DLGAP2: variants seen among roughly 807,000 people sequenced by gnomAD.
The protein encoded by DLGAP2 is DLG associated protein 2.
In DLGAP2, 26 loss-of-function variants were observed where a neutral mutation model predicts 100.3. The ratio of observed to expected loss-of-function variants is 0.26; its 90% CI spans 0.19 to 0.36. The LOEUF (loss-of-function observed/expected upper bound fraction) is 0.36, where lower values mean the gene tolerates loss of function less well. DLGAP2 is among the 10% of genes least tolerant of loss of function. The pLI is 1.00. For synonymous variants in DLGAP2, 886 were observed against 630.1 expected (o/e 1.41, Z -6.08); for missense variants, 1,858 against 1,453.2 (o/e 1.28, Z -4.53).
At chr8:1,343,909 C>A (rs2117087343) in intron 3 of DLGAP2, among the ~76,000 whole-genome samples, 1 of 152,300 alleles carries the variant, frequency 6.6e-6, no homozygotes, top group East Asian at 1.9e-4. Context: ...TGCGAGCTCC[C>A]TGCCAGGTGA....
intron 6 of DLGAP2, among the ~76,000 whole-genome samples, chr8:1,599,059 A>G (rs1796544155): frequency 1.3e-5 from 2 of 152,168 alleles, no homozygotes; most frequent in Admixed American, 6.5e-5. Flanking sequence ...AGATTCTGGT[A>G]TGTTGTGTCT....
At chr8:1,010,991 C>T (rs1268218048) in intron 2 of DLGAP2, among the ~76,000 whole-genome samples, 10 of 146,456 alleles carry the variant, frequency 6.8e-5, no homozygotes, top group Non-Finnish European at 3.0e-5. Flanking sequence ...GAGCCCCGGG[C>T]GAGGGGCCTC....
At chr8:1,463,506 G>C (rs769367500) in intron 3 of DLGAP2, among the ~76,000 whole-genome samples, 1 of 152,364 alleles carries the variant, frequency 6.6e-6, no homozygotes, top group Admixed American at 6.5e-5. Context: ...CCTCGGGTAT[G>C]GTTGGCTCAG....
At position 1,668,441 on chromosome 8, in the gene DLGAP2, C is replaced by T. The variant is rs1426824043; in HGVS notation, c.1923C>T (p.Ala641=). 2 of 1,601,344 alleles carry T rather than the reference C, an allele frequency of 1.2e-6. No individual in the cohort carries two copies. Among genetic ancestry groups the T allele is most frequent in the South Asian group, 1.1e-5 (1 of 88,676 alleles). Reference sequence around the variant, plus strand: ...GCAGCACCGAATCCACCCAGGACGCCTACCAGGACAGCCGCGCACAGAGGA... The same window carrying T: ...GCAGCACCGAATCCACCCAGGACGCTTACCAGGACAGCCGCGCACAGAGGA... ...AQSSTESTQD[A]YQDSRAQRMS... Residue 641 remains alanine, a synonymous_variant, in exon 9 of 15, where the codon GCC becomes GCT. Transcript: ENST00000637795.
At chr8:1,659,137 G>A (rs539384166) in intron 8 of DLGAP2, among the ~76,000 whole-genome samples, 1 of 152,320 alleles carries the variant, frequency 6.6e-6, no homozygotes, top group East Asian at 1.9e-4. Flanking sequence ...CAGTTTCCAT[G>A]TAGTTGTGCG....
chr8:1,113,413 A>G (rs536038581), intron 2 of DLGAP2, among the ~76,000 whole-genome samples: 1 of 152,152 alleles, frequency 6.6e-6, no homozygotes, highest in East Asian at 1.9e-4. Context: ...GAGATCTTTA[A>G]CCTCCCTTGT....
chr8:764,977 G>A (rs1375284695), intron 1 of DLGAP2, among the ~76,000 whole-genome samples: 1 of 152,186 alleles, frequency 6.6e-6, no homozygotes, highest in Admixed American at 6.5e-5. Flanking sequence ...AAAGCTTGTG[G>A]CTGTTACTGA....
At chr8:1,157,924 AG>A (rs1252207049) in intron 2 of DLGAP2, among the ~76,000 whole-genome samples, 8 of 152,188 alleles carry the variant, frequency 5.3e-5, no homozygotes, top group African/African-American at 1.9e-4. Flanking sequence ...GTACGTCAAC[AG>A]TTATCATCCA....
At chr8:830,917 A>G (rs1251347908) in intron 1 of DLGAP2, among the ~76,000 whole-genome samples, 3 of 125,672 alleles carry the variant, frequency 2.4e-5, no homozygotes, top group South Asian at 2.5e-4. Context: ...TTTTTTTGAG[A>G]TGAAGTCTTG....
At chr8:1,531,075 AG>A (rs2130454291) in intron 4 of DLGAP2, among the ~76,000 whole-genome samples, 1 of 152,342 alleles carries the variant, frequency 6.6e-6, no homozygotes, top group South Asian at 2.1e-4. Flanking sequence ...GAAACCATAA[AG>A]TTTCCAAATG....
chr8:947,431 C>A (rs1256407328), intron 2 of DLGAP2, among the ~76,000 whole-genome samples: 1 of 152,192 alleles, frequency 6.6e-6, no homozygotes, highest in South Asian at 2.1e-4. Context: ...TGCGACAGGC[C>A]CCTTACGTCC....
chr8:1,027,860 G>A (rs1260211631), intron 2 of DLGAP2, among the ~76,000 whole-genome samples: 2 of 136,654 alleles, frequency 1.5e-5, no homozygotes, highest in East Asian at 2.4e-4. Flanking sequence ...CAGGTGGGGT[G>A]TCAGGCGCCC....
intron 4 of DLGAP2, among the ~76,000 whole-genome samples, chr8:1,504,495 C>T (rs1224073856): frequency 2.0e-5 from 3 of 152,226 alleles, no homozygotes; most frequent in Non-Finnish European, 4.4e-5. Context: ...GACCTCGTCA[C>T]TTACTCCTCT....
intron 2 of DLGAP2, among the ~76,000 whole-genome samples, chr8:973,787 C>T (rs1426008834): frequency 5.9e-5 from 9 of 151,808 alleles, no homozygotes; most frequent in East Asian, 3.9e-4. Flanking sequence ...GAGGCGAATC[C>T]GGAGCGCGAA....
intron 2 of DLGAP2, among the ~76,000 whole-genome samples, chr8:948,562 G>GT (rs1799392012): frequency 6.6e-6 from 1 of 152,274 alleles, no homozygotes; most frequent in African/African-American, 2.4e-5. Flanking sequence ...CGGGGCCTGA[G>GT]TGCAGAGGAA....
chr8:1,344,361 G>A (rs188444117), intron 3 of DLGAP2, among the ~76,000 whole-genome samples: 112 of 152,272 alleles, frequency 7.4e-4, no homozygotes, highest in Admixed American at 1.4e-3. Context: ...GCACATGGCC[G>A]GGACACAGCT....
At chr8:1,302,467 C>T (rs959787191) in intron 3 of DLGAP2, 19 of 126,028 alleles carry the variant, frequency 1.5e-4, no homozygotes, top group Admixed American at 4.2e-4. Context: ...CTGTGAGTTC[C>T]GGAGCTCTGC....
intron 1 of DLGAP2, among the ~76,000 whole-genome samples, chr8:778,406 G>A (rs1410670424): frequency 2.0e-5 from 3 of 152,216 alleles, no homozygotes; most frequent in Admixed American, 1.3e-4. Context: ...CGTTCCGTTG[G>A]AGGAGGAGAG....
At chr8:865,109 C>G (rs1352227960) in intron 1 of DLGAP2, among the ~76,000 whole-genome samples, 3 of 152,116 alleles carry the variant, frequency 2.0e-5, no homozygotes, top group African/African-American at 2.4e-5. Context: ...CCTGTAGGAC[C>G]CCCAGGGAAC....
Sources: gnomAD v4.1 joint callset for allele counts (sites outside exome capture counted in the v4.1 genomes callset) on GRCh38, gnomAD v4.1.1 for gene constraint, MANE v1.5 for transcripts, NCBI Gene and HGNC (gene_info 2026-07-23, HGNC 2026-07-21) for gene names.